Variants in TXNRD1 observed in about 807,000 individuals in gnomAD.
The protein encoded by TXNRD1 is thioredoxin reductase 1.
TXNRD1 carries 57 observed loss-of-function variants against 80.3 expected under a neutral mutation model. The ratio of observed to expected loss-of-function variants is 0.71; its 90% CI spans 0.57 to 0.89. The LOEUF is 0.89. TXNRD1 is among the 40% of genes least tolerant of loss of function. The pLI, the probability that TXNRD1 is intolerant of heterozygous loss-of-function variation, is 0.00. For synonymous variants in TXNRD1, 291 were observed against 285.2 expected (o/e 1.02, Z -0.20); for missense variants, 730 against 803.0 (o/e 0.91, Z 1.10).
rs373416460 is a variant in TXNRD1 at position 104,335,333 on chromosome 12, C to G, written c.1746+1001C>G. Among the ~76,000 whole-genome samples the G allele has an allele frequency of 5.3e-5, 8 of 151,782 alleles. No homozygotes were observed. In the East Asian group the frequency reaches 7.8e-4, roughly 15 times the overall value. On this transcript the variant is annotated intron_variant, in intron 15 of 16. Coordinates refer to ENST00000525566, the MANE Select transcript of TXNRD1 (RefSeq NM_001093771.3). ...TTTCCTGCCTCAGCCTCCCAAGTAG[C>G]TGGGATTACAGGCACCCACCACCAT...
At chr12:104,344,352 A>G (rs1382639601) in intron 16 of TXNRD1, among the ~76,000 whole-genome samples, 11 of 150,020 alleles carry the variant, frequency 7.3e-5, no homozygotes, top group Non-Finnish European at 1.6e-4. Context: ...AAAAAGCTCC[A>G]GTGATTTTTT....
At chr12:104,287,330 C>T in intron 3 of TXNRD1, 1 of 1,614,026 alleles carries the variant, frequency 6.2e-7, no homozygotes, top group Non-Finnish European at 8.5e-7. Flanking sequence ...TCACACAAAG[C>T]TTCAGCATGT....
chr12:104,280,062 CAAAAAAAA>C (rs34627940), intron 3 of TXNRD1, among the ~76,000 whole-genome samples: 3 of 84,618 alleles, frequency 3.5e-5, no homozygotes, highest in Non-Finnish European at 6.8e-5. Flanking sequence ...GACTCTGTCT[CAAAAAAAA>C]AAAAAAAAAA....
intron 4 of TXNRD1, chr12:104,305,113 C>T (rs1435012808): frequency 3.2e-6 from 2 of 617,112 alleles, no homozygotes; most frequent in African/African-American, 1.9e-5. Flanking sequence ...TCATGATCTT[C>T]TGTTATTAAA....
rs2036578844 is a variant in TXNRD1, at chr12:104,349,147, G to T, written c.*726G>T. On this transcript the variant is annotated 3_prime_UTR_variant, in exon 17 of 17. Transcript: ENST00000525566. ...TGGCTACTTGGCCAGCCATTGCCTGGCATTTGGTAGTATAGTATGATTCTC... is the reference window on the plus strand; with the variant it reads ...TGGCTACTTGGCCAGCCATTGCCTGTCATTTGGTAGTATAGTATGATTCTC... 6.6e-6 allele frequency: 1 copy of T among 152,240 alleles called. No individual in the cohort carries two copies. The highest frequency in any genetic ancestry group is 1.5e-5 in the Non-Finnish European group (1 of 68,056). The allele number at this position is 152,240 out of a possible 1,614,324, so 9.4% of individuals were successfully genotyped here. A position where few individuals can be genotyped will look rare whatever the true frequency, so the allele number is the denominator to read the frequency against.
intron 3 of TXNRD1, among the ~76,000 whole-genome samples, chr12:104,278,659 A>T (rs2135732778): frequency 6.6e-6 from 1 of 150,528 alleles, no homozygotes; most frequent in South Asian, 2.1e-4. Context: ...ACGCCACCAC[A>T]CCTGGCTACT....
At chr12:104,220,151 G>C (rs2032318022) in intron 1 of TXNRD1, among the ~76,000 whole-genome samples, 1 of 152,168 alleles carries the variant, frequency 6.6e-6, no homozygotes, top group Non-Finnish European at 1.5e-5. Context: ...TGCTACTGCA[G>C]ATCACTGAGG....
intron 1 of TXNRD1, among the ~76,000 whole-genome samples, chr12:104,232,403 A>C (rs1277035130): frequency 6.6e-6 from 1 of 152,098 alleles, no homozygotes; most frequent in Admixed American, 6.6e-5. Flanking sequence ...TCTCTACTAA[A>C]AATACAAAAA....
At chr12:104,242,760 C>G (rs1288174730) in intron 1 of TXNRD1, among the ~76,000 whole-genome samples, 1 of 152,154 alleles carries the variant, frequency 6.6e-6, no homozygotes, top group Non-Finnish European at 1.5e-5. Context: ...GACTAACCCC[C>G]ACCCTCTCCT....
chr12:104,317,790 T>TG (rs2135822814), intron 7 of TXNRD1, among the ~76,000 whole-genome samples: 1 of 152,314 alleles, frequency 6.6e-6, no homozygotes, highest in East Asian at 1.9e-4. Context: ...GAGCTGTGAT[T>TG]GATTGCACCA....
chr12:104,335,058 A>G (rs1047310729), intron 15 of TXNRD1, among the ~76,000 whole-genome samples: 1 of 152,176 alleles, frequency 6.6e-6, no homozygotes, highest in Non-Finnish European at 1.5e-5. Context: ...TGCTACATGT[A>G]ATGCTAGTCT....
At chr12:104,290,764 T>TG (rs2034173575) in intron 4 of TXNRD1, among the ~76,000 whole-genome samples, 1 of 135,688 alleles carries the variant, frequency 7.4e-6, no homozygotes, top group South Asian at 2.3e-4. Context: ...TATATGTATA[T>TG]TTCTTCCTGT....
chr12:104,216,558 G>T (rs190617759), intron 1 of TXNRD1, among the ~76,000 whole-genome samples: 5 of 152,228 alleles, frequency 3.3e-5, no homozygotes, highest in African/African-American at 1.2e-4. Context: ...CATGAGAGGG[G>T]CCTTTGGAAG....
chr12:104,309,899 G>C, intron 4 of TXNRD1: 3 of 1,536,066 alleles, frequency 2.0e-6, no homozygotes, highest in African/African-American at 2.7e-5. Flanking sequence ...GTTTCCAGGT[G>C]TTCTCCCTTC....
At chr12:104,304,982 A>T in intron 4 of TXNRD1, 1 of 1,514,782 alleles carries the variant, frequency 6.6e-7, no homozygotes, top group East Asian at 2.3e-5. Flanking sequence ...TTCTGAAGTT[A>T]GATGGAGAGT....
At chr12:104,319,733 AAGAG>A in intron 9 of TXNRD1, 148 bp downstream of exon 9, 1 of 658,344 alleles carries the variant, frequency 1.5e-6, no homozygotes, top group Admixed American at 3.1e-5. Context: ...GTTTGGGAGA[AAGAG>A]AAAAAGGAAA....
chr12:104,320,078 G>A (rs552248859), intron 9 of TXNRD1, among the ~76,000 whole-genome samples: 70 of 152,218 alleles, frequency 4.6e-4, no homozygotes, highest in Non-Finnish European at 9.0e-4. Context: ...TGTTTGAATG[G>A]TTGCAGTGTC....
At chr12:104,269,520 C>G (rs757727705) in intron 3 of TXNRD1, among the ~76,000 whole-genome samples, 1 of 151,632 alleles carries the variant, frequency 6.6e-6, no homozygotes, top group Non-Finnish European at 1.5e-5. Flanking sequence ...CTGCCTCAGC[C>G]TCTCAAGTAC....
intron 3 of TXNRD1, among the ~76,000 whole-genome samples, chr12:104,258,787 A>C (rs567508662): frequency 6.6e-6 from 1 of 152,272 alleles, no homozygotes; most frequent in South Asian, 2.1e-4. Context: ...AAAGTTAACC[A>C]GGCACAGTGG....
Sources: allele counts gnomAD v4.1 joint callset (sites outside exome capture counted in the v4.1 genomes callset), GRCh38; gene constraint gnomAD v4.1.1; transcripts MANE v1.5; gene names NCBI Gene and HGNC (gene_info 2026-07-23, HGNC 2026-07-21).